The following KATNAL1 variants were observed in gnomAD, a reference collection of about 807,000 sequenced individuals.
KATNAL1 encodes the protein katanin p60 ATPase-containing subunit A-like 1.
In KATNAL1, 32 loss-of-function variants were observed where a neutral mutation model predicts 55.2. The ratio of observed to expected loss-of-function variants is 0.58; its 90% confidence interval spans 0.44 to 0.78. The LOEUF is 0.78. Among genes scored for constraint, KATNAL1 ranks in the 30% least tolerant of loss-of-function variants. KATNAL1 has a pLI of 0.00. For missense variants in KATNAL1, 466 were observed against 600.9 expected (o/e 0.78, Z 2.35); for synonymous variants, 193 against 193.6 (o/e 1.00, Z 0.02).
At chr13:30,295,054 G>A (rs1030533894) in intron 1 of KATNAL1, among the ~76,000 whole-genome samples, 2 of 152,242 alleles carry the variant, frequency 1.3e-5, no homozygotes, top group Non-Finnish European at 2.9e-5. Context: ...GAGCTCTGAT[G>A]TAGATGTACA....
intron 4 of KATNAL1, among the ~76,000 whole-genome samples, chr13:30,245,819 A>G (rs1438736093): frequency 6.6e-6 from 1 of 152,140 alleles, no homozygotes; most frequent in Non-Finnish European, 1.5e-5. Flanking sequence ...AGAATAAAAT[A>G]CCTAGGAATA....
intron 10 of KATNAL1, among the ~76,000 whole-genome samples, chr13:30,209,914 T>C (rs564663481): frequency 3.9e-5 from 6 of 152,244 alleles, no homozygotes; most frequent in African/African-American, 1.4e-4. Context: ...CCCGAGTAGC[T>C]GGAACTACAG....
Position 30,280,083 on chromosome 13 carries a change from G to A in KATNAL1, c.303C>T (p.Pro101=), listed in dbSNP as rs766072069. 1.9e-6 allele frequency: 3 copies of A among 1,612,020 alleles called. No homozygotes were observed. The highest frequency in any genetic ancestry group is 2.5e-6 in the Non-Finnish European group (3 of 1,179,288). ...EPFRDPAVWP[P]PVPAEHRAPP... is the part of the protein sequence containing the mutation. ...TTTACCTGTGTTCTGCAGGAACAGG[G>A]GGTGGCCAAACAGCAGGATCTCTAA... is the stretch of plus-strand genomic sequence containing the variant. The change falls in exon 3 of 11, where the codon CCC becomes CCT. Residue 101 remains proline (P), a synonymous_variant. Coordinates refer to ENST00000380615, the MANE Select transcript of KATNAL1 (RefSeq NM_032116.5).
intron 1 of KATNAL1, among the ~76,000 whole-genome samples, chr13:30,289,295 T>C (rs547456381): frequency 1.9e-4 from 29 of 152,332 alleles, no homozygotes; most frequent in South Asian, 2.1e-4. Context: ...CCTCAATTCT[T>C]TGAGCAACTC....
chr13:30,304,355 T>G (rs1488077659), intron 1 of KATNAL1, among the ~76,000 whole-genome samples: 1 of 151,732 alleles, frequency 6.6e-6, no homozygotes, highest in Non-Finnish European at 1.5e-5. Flanking sequence ...CTGCAACCTC[T>G]GCCTCCTGGG....
intron 1 of KATNAL1, among the ~76,000 whole-genome samples, chr13:30,292,490 C>T (rs1162350760): frequency 6.6e-6 from 1 of 152,014 alleles, no homozygotes; most frequent in Non-Finnish European, 1.5e-5. Context: ...CTTAGAGAAC[C>T]TGAATCTATT....
intron 9 of KATNAL1, among the ~76,000 whole-genome samples, chr13:30,225,500 G>A (rs1373517002): frequency 6.6e-6 from 1 of 151,930 alleles, no homozygotes; most frequent in East Asian, 1.9e-4. Flanking sequence ...AAAATACAAT[G>A]GAACAGAATA....
At chr13:30,215,607 G>A (rs1287064959) in intron 9 of KATNAL1, among the ~76,000 whole-genome samples, 1 of 152,174 alleles carries the variant, frequency 6.6e-6, no homozygotes, top group African/African-American at 2.4e-5. Context: ...AAAAAATGAT[G>A]AGTTCATGTC....
chr13:30,293,625 C>A (rs1431614541), intron 1 of KATNAL1, among the ~76,000 whole-genome samples: 22 of 152,194 alleles, frequency 1.4e-4, no homozygotes, highest in African/African-American at 4.6e-4. Flanking sequence ...ACTACCACCA[C>A]AACAAAGGTA....
intron 3 of KATNAL1, among the ~76,000 whole-genome samples, chr13:30,262,437 T>C (rs1421671015): frequency 1.3e-5 from 2 of 152,122 alleles, no homozygotes; most frequent in African/African-American, 2.4e-5. Context: ...GGAACTGGTT[T>C]TTTGAAAGGA....
chr13:30,280,011 G>T, intron 3 of KATNAL1, 52 bp downstream of exon 3: 1 of 1,482,430 alleles, frequency 6.7e-7, no homozygotes, highest in Non-Finnish European at 9.1e-7. Context: ...ATGCTTCACT[G>T]TGAACATCAA....
chr13:30,260,799 G>A (rs529895234), intron 3 of KATNAL1, among the ~76,000 whole-genome samples: 1 of 147,738 alleles, frequency 6.8e-6, no homozygotes, highest in Non-Finnish European at 1.5e-5. Flanking sequence ...CACTCTGCAG[G>A]ATATCATCCA....
chr13:30,256,921 G>A (rs1878845966), intron 3 of KATNAL1, among the ~76,000 whole-genome samples: 2 of 152,148 alleles, frequency 1.3e-5, no homozygotes, highest in Non-Finnish European at 2.9e-5. Flanking sequence ...CTACCACACT[G>A]ACCCTAGGAG....
intron 4 of KATNAL1, among the ~76,000 whole-genome samples, chr13:30,244,624 G>T (rs1474586030): frequency 1.3e-5 from 2 of 152,006 alleles, no homozygotes; most frequent in African/African-American, 4.8e-5. Context: ...CTGGTTTTTT[G>T]AAAAGATTAG....
intron 3 of KATNAL1, among the ~76,000 whole-genome samples, chr13:30,268,766 A>T (rs1879978377): frequency 6.6e-6 from 1 of 152,224 alleles, no homozygotes; most frequent in Non-Finnish European, 1.5e-5. Flanking sequence ...ATGAAACTGA[A>T]TCTAGAAATA....
At chr13:30,215,379 G>A (rs1283524459) in intron 9 of KATNAL1, among the ~76,000 whole-genome samples, 3 of 152,146 alleles carry the variant, frequency 2.0e-5, no homozygotes, top group Non-Finnish European at 4.4e-5. Flanking sequence ...ATTCCTCAGG[G>A]ATATACAACT....
chr13:30,236,602 A>G (rs1207961784), intron 6 of KATNAL1, among the ~76,000 whole-genome samples: 2 of 152,192 alleles, frequency 1.3e-5, no homozygotes, highest in African/African-American at 4.8e-5. Context: ...TTTCATATCC[A>G]TCTATGTCCA....
intron 4 of KATNAL1, among the ~76,000 whole-genome samples, chr13:30,251,081 C>T (rs917976996): frequency 4.2e-5 from 6 of 142,546 alleles, no homozygotes; most frequent in Non-Finnish European, 6.0e-5. Context: ...GAGCTTGCAG[C>T]GAGCCGAGAT....
At chr13:30,306,892 C>G (rs771683839) in intron 1 of KATNAL1, 1 of 152,344 alleles carries the variant, frequency 6.6e-6, no homozygotes, top group Non-Finnish European at 1.5e-5. Flanking sequence ...GGGCTGAGCG[C>G]TGCAACTGGG....
Sources: gnomAD v4.1 joint callset for allele counts (sites outside exome capture counted in the v4.1 genomes callset) on GRCh38, gnomAD v4.1.1 for gene constraint, MANE v1.5 for transcripts, NCBI Gene and HGNC (gene_info 2026-07-23, HGNC 2026-07-21) for gene names.